The following AZIN1 variants were observed in gnomAD, a reference collection of about 807,000 sequenced individuals.
The protein encoded by AZIN1 is antizyme inhibitor 1.
Under a neutral mutation model 47.4 loss-of-function variants are expected in AZIN1, and 12 were observed. The ratio of observed to expected loss-of-function variants is 0.25; its 90% CI spans 0.16 to 0.41. The LOEUF is 0.41. AZIN1 is among the 10% of genes least tolerant of loss of function. The pLI, the probability that AZIN1 is intolerant of heterozygous loss-of-function variation, is 1.00. For missense variants in AZIN1, 410 were observed against 532.4 expected, an observed-to-expected ratio of 0.77 and a Z score of 2.26; for synonymous variants, 155 against 176.3, an observed-to-expected ratio of 0.88 and a Z score of 0.96.
chr8:102,832,187 G>C (rs1244327654), intron 9 of AZIN1, among the ~76,000 whole-genome samples: 3 of 152,030 alleles, frequency 2.0e-5, no homozygotes, highest in East Asian at 3.9e-4. Flanking sequence ...ACTTTATCTA[G>C]ATTCAAGGAG....
At chr8:102,861,019 A>G (rs890540999) in intron 1 of AZIN1, among the ~76,000 whole-genome samples, 10 of 115,572 alleles carry the variant, frequency 8.7e-5, no homozygotes, top group African/African-American at 1.3e-4. Context: ...GGATTCTGGA[A>G]CAGAAAAAGA....
intron 2 of AZIN1, 60 bp from the exon 3 acceptor site, chr8:102,843,807 C>A: frequency 8.3e-7 from 1 of 1,207,306 alleles, no homozygotes; most frequent in African/African-American, 1.6e-5. Flanking sequence ...ATGTACGAGT[C>A]AATGAAAGTG....
intron 8 of AZIN1, 83 bp downstream of exon 8, chr8:102,834,106 G>A: frequency 8.8e-7 from 1 of 1,134,534 alleles, no homozygotes; most frequent in Non-Finnish European, 1.3e-6. Context: ...TTCTGCCATT[G>A]TAAAAATCCT....
At chr8:102,836,110 A>T (rs1811806680) in intron 6 of AZIN1, 146 bp downstream of exon 6, 1 of 855,252 alleles carries the variant, frequency 1.2e-6, no homozygotes, top group African/African-American at 1.7e-5. Flanking sequence ...GCCTAAACTA[A>T]GAAGAAAACA....
At chr8:102,857,127 C>G (rs1252466580) in intron 2 of AZIN1, among the ~76,000 whole-genome samples, 1 of 152,144 alleles carries the variant, frequency 6.6e-6, no homozygotes, top group African/African-American at 2.4e-5. Flanking sequence ...TTCAAGAAAT[C>G]TTACTATTTA....
At chr8:102,844,114 A>G (rs1812399157) in intron 2 of AZIN1, among the ~76,000 whole-genome samples, 3 of 152,260 alleles carry the variant, frequency 2.0e-5, no homozygotes, top group Non-Finnish European at 4.4e-5. Flanking sequence ...TAGTGAAATA[A>G]GTATCTGCAT....
chr8:102,837,864 C>T (rs2436844), intron 5 of AZIN1, among the ~76,000 whole-genome samples: 57,203 of 152,112 alleles, frequency 0.38, 11,717 homozygotes, highest in South Asian at 0.46. Flanking sequence ...ATGCTTTTAG[C>T]ATATTCTTAA....
intron 2 of AZIN1, among the ~76,000 whole-genome samples, chr8:102,848,619 A>G (rs894966989): frequency 2.6e-5 from 4 of 152,150 alleles, no homozygotes; most frequent in African/African-American, 4.8e-5. Context: ...TTCCAACTGA[A>G]AAGGGACAAG....
At chr8:102,860,561 C>T (rs1049538883) in intron 1 of AZIN1, among the ~76,000 whole-genome samples, 1 of 152,114 alleles carries the variant, frequency 6.6e-6, no homozygotes, top group African/African-American at 2.4e-5. Context: ...CCACGCCTGG[C>T]CTATTTTATT....
rs1563532112 is a variant in AZIN1, at chr8:102,834,648, T to C, written c.666+18A>G. On this transcript the variant is annotated intron_variant, in intron 7 of 11. Transcript: ENST00000337198. ...GGCTAAAATAAAATATCAAAATAAC[T>C]TAAAAGAAAGAACTTACAGCCATGT... 1 of 1,561,238 alleles carries C rather than the reference T, an allele frequency of 6.4e-7. No homozygotes were observed.
intron 11 of AZIN1, 98 bp downstream of exon 11, chr8:102,829,174 A>C: frequency 9.5e-7 from 1 of 1,048,030 alleles, no homozygotes; most frequent in Non-Finnish European, 1.4e-6. Flanking sequence ...ACATGACTGT[A>C]CTTCTAAGTT....
chr8:102,854,214 T>C (rs1813115781), intron 2 of AZIN1, among the ~76,000 whole-genome samples: 1 of 152,116 alleles, frequency 6.6e-6, no homozygotes, highest in African/African-American at 2.4e-5. Context: ...GCTGGGATTA[T>C]AGGTGTGAGG....
intron 3 of AZIN1, 36 bp from the exon 4 acceptor site, chr8:102,839,859 A>C: frequency 6.7e-7 from 1 of 1,488,264 alleles, no homozygotes; most frequent in Non-Finnish European, 9.1e-7. Flanking sequence ...AAATATGAAC[A>C]AAAAACCATT....
Position 102,836,247 on chromosome 8 carries a change from A to G in AZIN1, c.584+9T>C. 1 of 1,612,348 alleles carries G rather than the reference A, an allele frequency of 6.2e-7. No homozygotes were observed. The highest frequency in any genetic ancestry group is 1.7e-5 in the Admixed American group (1 of 59,690). ...TTCACAGCTTTAAAAGTTTAAAACA[A>G]ATACTCACTTAACCCCAATTATTTG... On this transcript the variant is annotated intron_variant, in intron 6 of 11. Transcript: ENST00000337198.
intron 1 of AZIN1, among the ~76,000 whole-genome samples, chr8:102,859,920 G>A (rs918186697): frequency 2.6e-5 from 4 of 152,198 alleles, no homozygotes; most frequent in Non-Finnish European, 5.9e-5. Context: ...TAAGGCAGGA[G>A]GACTGCTTGA....
Position 102,827,244 on chromosome 8 carries a change from G to C in AZIN1, c.*1323C>G, listed in dbSNP as rs184234933. The stretch of plus-strand genomic sequence containing the variant: ...TTGTTTATTACTATTGTGATTCTGA[G>C]ATCTAGGATTTCTAATATACTAGCA... On this transcript the variant is annotated 3_prime_UTR_variant, in exon 12 of 12. Coordinates refer to ENST00000337198, the MANE Select transcript of AZIN1 (RefSeq NM_148174.4). 1 of 152,510 alleles carries C rather than the reference G, an allele frequency of 6.6e-6. No homozygotes were observed. Among genetic ancestry groups the C allele is most frequent in the East Asian group, 1.9e-4 (1 of 5,188 alleles). 9.4% of individuals were successfully genotyped at this position (152,510 alleles called of 1,614,324 possible).
intron 11 of AZIN1, 59 bp downstream of exon 11, chr8:102,829,213 T>C (rs1030387410): frequency 7.1e-7 from 1 of 1,412,398 alleles, no homozygotes; most frequent in Non-Finnish European, 9.8e-7. Flanking sequence ...TAAAACTTAT[T>C]AGCAAGTCTA....
chr8:102,851,548 A>C (rs1812919345), intron 2 of AZIN1, among the ~76,000 whole-genome samples: 1 of 152,148 alleles, frequency 6.6e-6, no homozygotes, highest in African/African-American at 2.4e-5. Context: ...TCTACTAAAA[A>C]TACAAAAATT....
At chr8:102,840,347 A>G (rs1812099885) in intron 3 of AZIN1, among the ~76,000 whole-genome samples, 1 of 152,186 alleles carries the variant, frequency 6.6e-6, no homozygotes, top group Admixed American at 6.5e-5. Flanking sequence ...CTCTTATTTT[A>G]TTACTTTTTC....
Sources: gnomAD v4.1 joint callset for allele counts (sites outside exome capture counted in the v4.1 genomes callset) on GRCh38, gnomAD v4.1.1 for gene constraint, MANE v1.5 for transcripts, NCBI Gene and HGNC (gene_info 2026-07-23, HGNC 2026-07-21) for gene names.